The following STARD13 variants were observed in gnomAD, a reference collection of about 807,000 sequenced individuals.
STARD13 encodes the protein stAR-related lipid transfer protein 13.
In STARD13, 62 loss-of-function variants were observed where a neutral mutation model predicts 106.4. That is an observed-to-expected ratio of 0.58 (90% CI 0.48 to 0.72). The LOEUF is 0.72. STARD13 is among the 30% of genes least tolerant of loss of function. The pLI is 0.00. For missense variants in STARD13, 1,387 were observed against 1,424.0 expected (o/e 0.97, Z 0.42); for synonymous variants, 565 against 553.0 (o/e 1.02, Z -0.31).
intron 2 of STARD13, among the ~76,000 whole-genome samples, chr13:33,167,299 G>A (rs1443502978): frequency 6.6e-6 from 1 of 152,156 alleles, no homozygotes; most frequent in African/African-American, 2.4e-5. Context: ...GGAAAACGTC[G>A]AGTTGGGGTT....
At chr13:33,247,908 G>T (rs759028688) in intron 1 of STARD13, among the ~76,000 whole-genome samples, 1 of 152,156 alleles carries the variant, frequency 6.6e-6, no homozygotes, top group Admixed American at 6.5e-5. Context: ...TGATTCTGAC[G>T]TGCTAACAAG....
At chr13:33,442,967 TATTG>T in the STARD13 span, among the ~76,000 whole-genome samples, 8 of 152,292 alleles carry the variant, frequency 5.3e-5, no homozygotes, top group South Asian at 1.0e-3. Flanking sequence ...AATAGGGAGT[TATTG>T]ATTAATTGGT....
intron 1 of STARD13, among the ~76,000 whole-genome samples, chr13:33,211,231 T>A (rs1347589550): frequency 6.6e-6 from 1 of 151,056 alleles, no homozygotes; most frequent in East Asian, 1.9e-4. Context: ...TGAAAGATAT[T>A]AAAATAAAAA....
chr13:33,595,448 C>T, the STARD13 span, among the ~76,000 whole-genome samples: 4 of 152,008 alleles, frequency 2.6e-5, no homozygotes, highest in African/African-American at 9.7e-5. Context: ...AAATGGATCA[C>T]TAGGCTTAAA....
chr13:33,652,151 C>G, the STARD13 span, among the ~76,000 whole-genome samples: 3 of 152,304 alleles, frequency 2.0e-5, no homozygotes, highest in East Asian at 5.8e-4. Context: ...AAACCAGAAC[C>G]ACAGCCCTCA....
chr13:33,348,964 G>A, exon 2 of STARD13: 3 of 601,184 alleles, frequency 5.0e-6, no homozygotes, highest in Non-Finnish European at 9.0e-6. Flanking sequence ...CTCTCAAGGT[G>A]CTATAGATTC....
chr13:33,584,156 T>C, the STARD13 span, among the ~76,000 whole-genome samples: 3 of 152,212 alleles, frequency 2.0e-5, no homozygotes, highest in African/African-American at 7.2e-5. Context: ...TTTTCCTTTT[T>C]GATAGTAGCC....
At chr13:33,550,099 T>A in the STARD13 span, among the ~76,000 whole-genome samples, 1 of 152,200 alleles carries the variant, frequency 6.6e-6, no homozygotes, top group African/African-American at 2.4e-5. Context: ...ACCTAAACAT[T>A]TTTAATGAGA....
intron 1 of STARD13, among the ~76,000 whole-genome samples, chr13:33,214,258 C>T (rs1180126059): frequency 6.6e-6 from 1 of 152,198 alleles, no homozygotes; most frequent in East Asian, 1.9e-4. Flanking sequence ...TTATATCTGA[C>T]TGCTTTCTAA....
At chr13:33,207,051 A>G (rs936698482) in intron 1 of STARD13, among the ~76,000 whole-genome samples, 1 of 152,242 alleles carries the variant, frequency 6.6e-6, no homozygotes, top group Admixed American at 6.5e-5. Flanking sequence ...TATTTTCAAC[A>G]ACAGAGAGAA....
At chr13:33,585,221 G>C in the STARD13 span, among the ~76,000 whole-genome samples, 1 of 152,176 alleles carries the variant, frequency 6.6e-6, no homozygotes, top group African/African-American at 2.4e-5. Flanking sequence ...TAGTATGGCA[G>C]TTCCTCAAAA....
intron 1 of STARD13, among the ~76,000 whole-genome samples, chr13:33,214,484 A>G (rs1226439587): frequency 1.3e-5 from 2 of 152,212 alleles, no homozygotes; most frequent in Non-Finnish European, 2.9e-5. Flanking sequence ...GGCAAGCAGC[A>G]CTGGCCACAA....
the STARD13 span, among the ~76,000 whole-genome samples, chr13:33,668,475 CA>C: frequency 3.9e-5 from 6 of 152,176 alleles, no homozygotes; most frequent in African/African-American, 1.4e-4. Context: ...ATTGCTAGGA[CA>C]GGGGGGCTTA....
intron 1 of STARD13, among the ~76,000 whole-genome samples, chr13:33,294,953 A>T (rs1174171543): frequency 6.6e-6 from 1 of 152,170 alleles, no homozygotes; most frequent in East Asian, 1.9e-4. Context: ...GAGGCACACC[A>T]TTATTACGAT....
intron 1 of STARD13, among the ~76,000 whole-genome samples, chr13:33,314,512 A>G (rs1467079197): frequency 6.6e-6 from 1 of 152,212 alleles, no homozygotes; most frequent in Non-Finnish European, 1.5e-5. Context: ...CATGGAAGAA[A>G]AGCCAAAATA....
At chr13:33,601,952 G>C in the STARD13 span, among the ~76,000 whole-genome samples, 21 of 152,184 alleles carry the variant, frequency 1.4e-4, no homozygotes, top group African/African-American at 3.6e-4. Flanking sequence ...GCTTTAAGCA[G>C]TCGTATGGAA....
chr13:33,242,368 G>C (rs1392477100), intron 1 of STARD13, among the ~76,000 whole-genome samples: 1 of 152,210 alleles, frequency 6.6e-6, no homozygotes, highest in Non-Finnish European at 1.5e-5. Flanking sequence ...TGTGTAGAAA[G>C]AAGTAGACAT....
chr13:33,544,866 C>T, the STARD13 span, among the ~76,000 whole-genome samples: 12 of 150,684 alleles, frequency 8.0e-5, no homozygotes, highest in Admixed American at 1.3e-4. Flanking sequence ...CTCTGCCTCC[C>T]GGGTTCAAGC....
the STARD13 span, among the ~76,000 whole-genome samples, chr13:33,458,872 G>A: frequency 7.0e-6 from 1 of 142,768 alleles, no homozygotes; most frequent in African/African-American, 2.7e-5. Context: ...CCAGGCTGGA[G>A]TGCAGTGGTG....
Sources: allele counts gnomAD v4.1 joint callset (sites outside exome capture counted in the v4.1 genomes callset), GRCh38; gene constraint gnomAD v4.1.1; transcripts MANE v1.5; gene names NCBI Gene and HGNC (gene_info 2026-07-23, HGNC 2026-07-21).